MAP4: variants seen among roughly 807,000 people sequenced by gnomAD.
MAP4 encodes the protein microtubule associated protein 4, also known as microtubule-associated protein 4.
A neutral mutation model predicts 170.2 loss-of-function variants in MAP4; 76 were observed. That is an observed-to-expected ratio of 0.45 (90% confidence interval 0.37 to 0.54). The LOEUF is 0.54. Ranked by LOEUF, MAP4 falls within the 20% of genes least tolerant of loss-of-function variation. The probability of loss-of-function intolerance (pLI) is 0.00; values close to 1 mark genes in which losing one functional copy is unlikely to be tolerated. For missense variants in MAP4, 2,506 were observed against 2,748.0 expected, an observed-to-expected ratio of 0.91 and a Z score of 1.97; for synonymous variants, 909 against 994.5, an observed-to-expected ratio of 0.91 and a Z score of 1.62.
intron 10 of MAP4, among the ~76,000 whole-genome samples, chr3:47,897,229 C>T (rs559252714): frequency 3.9e-5 from 6 of 152,204 alleles, no homozygotes; most frequent in South Asian, 4.1e-4. Context: ...CAGGCTCAAG[C>T]GATTCTCCTG....
Position 47,867,264 on chromosome 3 carries a change from A to G in MAP4, c.6483T>C (p.His2161=). The G allele has an allele frequency of 6.2e-7, 1 of 1,612,630 alleles. No individual in the cohort carries two copies. The highest frequency in any genetic ancestry group is 8.5e-7 in the Non-Finnish European group (1 of 1,178,692). Residue 2161 remains histidine (H), a synonymous_variant, in exon 17 of 21, where the codon CAT becomes CAC. Transcript: ENST00000683076. ...SKCGSKDNIK[H]VPGGGNVQIQ... ...TACTTACATTACCACCTCCAGGGAC[A>G]TGCTTAATATTGTCCTTGGAACCAC... is the stretch of plus-strand genomic sequence containing the variant.
intron 1 of MAP4, among the ~76,000 whole-genome samples, chr3:48,032,037 C>G (rs540145610): frequency 1.3e-5 from 2 of 152,200 alleles, no homozygotes; most frequent in East Asian, 3.9e-4. Flanking sequence ...AGAAAAAGAT[C>G]AGACAACTCC....
chr3:48,004,350 C>T (rs747053006), intron 1 of MAP4, among the ~76,000 whole-genome samples: 1 of 152,202 alleles, frequency 6.6e-6, no homozygotes, highest in Non-Finnish European at 1.5e-5. Context: ...TCCTGATTCA[C>T]TGCTCATGAA....
intron 1 of MAP4, among the ~76,000 whole-genome samples, chr3:48,063,311 C>T (rs1490422712): frequency 6.6e-6 from 1 of 151,850 alleles, no homozygotes; most frequent in Non-Finnish European, 1.5e-5. Flanking sequence ...CTGGAATCAC[C>T]TATAGTCCCA....
intron 18 of MAP4, among the ~76,000 whole-genome samples, chr3:47,856,350 T>C (rs542371384): frequency 1.3e-5 from 2 of 152,072 alleles, no homozygotes; most frequent in African/African-American, 2.4e-5. Context: ...ATTTCCCAGA[T>C]AAAAGGGGAA....
chr3:47,884,019 A>G (rs1016433635), intron 10 of MAP4, among the ~76,000 whole-genome samples: 1 of 152,116 alleles, frequency 6.6e-6, no homozygotes, highest in African/African-American at 2.4e-5. Context: ...TTGAATCTGT[A>G]AGTTTTGTCT....
intron 10 of MAP4, chr3:47,892,872 G>A (rs761721419): frequency 2.6e-4 from 263 of 1,016,328 alleles, no homozygotes; most frequent in Admixed American, 6.0e-4. Context: ...ATATAGATAC[G>A]TGCATACCCA....
Position 47,909,308 on chromosome 3 carries a change from G to T in MAP4, c.5113C>A (p.Pro1705Thr), listed in dbSNP as rs749731106. ...ACTAACGTATCCGCCACCTCTGAAG[G>T]AGGAGCTTCGACTTTGCTATGTAAG... The part of the protein sequence containing the change: ...DFLHSKVEAP[P>T]SEVADTLVIM... Residue 1705 changes from proline to threonine, a missense_variant, in exon 9 of 21, where the codon CCT becomes ACT. By Grantham distance (38) the Pro-to-Thr change is conservative. Around this residue, in one of 3 missense-constraint regions of MAP4, gnomAD observed 2,008 missense variants for 2,206.0 expected, o/e 0.91. Transcript: ENST00000683076. 1 of 1,613,956 alleles carries T rather than the reference G, an allele frequency of 6.2e-7. No homozygotes were observed.
At chr3:47,868,730 G>A (rs976680380) in intron 16 of MAP4, among the ~76,000 whole-genome samples, 4 of 152,192 alleles carry the variant, frequency 2.6e-5, no homozygotes, top group African/African-American at 9.7e-5. Flanking sequence ...TCAGTTAAGA[G>A]GTGACCCGGG....
At chr3:47,970,503 C>CA (rs1043345615) in intron 3 of MAP4, among the ~76,000 whole-genome samples, 13 of 150,162 alleles carry the variant, frequency 8.7e-5, no homozygotes, top group African/African-American at 3.2e-4. Context: ...AAAACAAGAA[C>CA]AAAAAAACCC....
intron 5 of MAP4, among the ~76,000 whole-genome samples, chr3:47,919,584 A>T (rs994362716): frequency 2.0e-5 from 3 of 152,182 alleles, no homozygotes; most frequent in Non-Finnish European, 4.4e-5. Context: ...CTGGGATTAC[A>T]GGTGTGAGAC....
chr3:47,939,733 C>T (rs1402265231), intron 3 of MAP4, among the ~76,000 whole-genome samples: 2 of 150,458 alleles, frequency 1.3e-5, no homozygotes, highest in African/African-American at 4.9e-5. Flanking sequence ...TTTAAACAAC[C>T]ACCTCTTGAT....
chr3:48,018,130 C>T (rs145899209), upstream of MAP4, among the ~76,000 whole-genome samples: 126 of 152,328 alleles, frequency 8.3e-4, no homozygotes, highest in African/African-American at 3.0e-3. Flanking sequence ...TCACCTGCTG[C>T]TCACCTCCTG....
chr3:48,043,995 G>A (rs1229420771), intron 1 of MAP4, among the ~76,000 whole-genome samples: 2 of 151,878 alleles, frequency 1.3e-5, no homozygotes, highest in Non-Finnish European at 2.9e-5. Flanking sequence ...ACAGGCACGT[G>A]CCACCACACC....
chr3:47,854,775 CCTGCAGAGGGAGGCCCCAGGCAGCCT>C (rs2051749255), intron 19 of MAP4, among the ~76,000 whole-genome samples: 1 of 81,710 alleles, frequency 1.2e-5, no homozygotes, highest in African/African-American at 7.3e-5. Flanking sequence ...CCAGGCAGGC[CCTGCAGAGGGAGGCCCCAGGCAGCCT>C]GCTGTCGCTG....
At chr3:47,862,769 G>A (rs1021359332) in intron 17 of MAP4, among the ~76,000 whole-genome samples, 7 of 151,882 alleles carry the variant, frequency 4.6e-5, no homozygotes, top group Non-Finnish European at 1.0e-4. Flanking sequence ...GAGCCACCGC[G>A]CCCAGCTATA....
At position 47,912,031 on chromosome 3, in the gene MAP4, G is replaced by A. The variant is rs1316011753; in HGVS notation, c.2390C>T (p.Pro797Leu). The part of the protein sequence containing the change: ...GPSDDDNADK[P>L]KGHPFAADTQ... ...GTCAGCTGCAAATGGATGACCTTTA[G>A]GCTTATCTGCATTGTCATCATCCGA... Residue 797 changes from proline (P) to leucine (L), a missense_variant, in exon 9 of 21, where the codon CCT becomes CTT. Physicochemically the swap from Pro to Leu is moderately conservative, Grantham distance 98. Around this residue, in one of 3 missense-constraint regions of MAP4, gnomAD observed 2,008 missense variants for 2,206.0 expected, o/e 0.91. Coordinates refer to ENST00000683076, the MANE Select transcript of MAP4 (RefSeq NM_001385682.1). 1 of 1,536,108 alleles carries A rather than the reference G, an allele frequency of 6.5e-7. No homozygotes were observed. The highest frequency in any genetic ancestry group is 2.0e-5 in the Admixed American group (1 of 50,992).
intron 16 of MAP4, among the ~76,000 whole-genome samples, chr3:47,868,878 G>C (rs2085541984): frequency 1.3e-5 from 2 of 152,164 alleles, no homozygotes; most frequent in African/African-American, 4.8e-5. Context: ...AACGAATGTG[G>C]GTGCACTGTA....
Position 47,968,301 on chromosome 3 carries a change from A to T in MAP4, c.292+9564T>A, listed in dbSNP as rs549346929. Among the ~76,000 whole-genome samples, 3 of 152,346 alleles carry T rather than the reference A, an allele frequency of 2.0e-5. 1 individual carries two copies. The South Asian group carries it at 6.2e-4, about 32-fold the overall frequency. ...ACATCTTACAGAACATTCCACCCGC[A>T]TCAAGAGCCGAATATACATTCTTCT... is the stretch of plus-strand genomic sequence containing the variant. On this transcript the variant is annotated intron_variant, in intron 3 of 20. Coordinates refer to ENST00000683076, the MANE Select transcript of MAP4 (RefSeq NM_001385682.1).
Sources: allele counts gnomAD v4.1 joint callset (sites outside exome capture counted in the v4.1 genomes callset), GRCh38; gene constraint gnomAD v4.1.1; regional missense constraint gnomAD v4.1.1; transcripts MANE v1.5; gene names NCBI Gene and HGNC (gene_info 2026-07-23, HGNC 2026-07-21).